The following ZNF622 variants were observed in gnomAD, a reference collection of about 807,000 sequenced individuals.
ZNF622 encodes zinc finger protein 622.
In ZNF622, 34 loss-of-function variants were observed where a neutral mutation model predicts 49.7. That is an observed-to-expected ratio of 0.68 (90% confidence interval 0.52 to 0.91). The LOEUF (loss-of-function observed/expected upper bound fraction) is 0.91, where lower values mean the gene tolerates loss of function less well. ZNF622 is among the 40% of genes least tolerant of loss of function. The pLI is 0.00. For synonymous variants in ZNF622, 209 were observed against 228.7 expected (o/e 0.91, Z 0.78); for missense variants, 569 against 616.4 (o/e 0.92, Z 0.81).
At chr5:16,461,321 T>G (rs78367662) in intron 3 of ZNF622, among the ~76,000 whole-genome samples, 2,110 of 152,364 alleles carry the variant, frequency 0.014, 54 homozygotes, top group African/African-American at 0.048. Context: ...TTGAGTAAGA[T>G]AGGTAGTCTT....
chr5:16,455,478 G>A (rs934433780), intron 4 of ZNF622, among the ~76,000 whole-genome samples: 1 of 152,170 alleles, frequency 6.6e-6, no homozygotes, highest in Non-Finnish European at 1.5e-5. Flanking sequence ...TCAAAGACAT[G>A]GTCTTTGGAT....
rs1450740034 is a variant in ZNF622, at chr5:16,453,040, T to C, written c.1279A>G (p.Arg427Gly). The change falls in exon 5 of 6, where the codon AGA (arginine) becomes GGA (glycine). Residue 427 changes from arginine (R) to glycine (G), a missense_variant. Arg to Gly is a moderately radical substitution (Grantham distance 125). Transcript: ENST00000308683. Reference sequence around the variant, plus strand: ...GTGCTGCCAGTCCATCCCAGGGCTCTGTACTGCTGAAGTACTCGGCCCACG... The same window carrying C: ...GTGCTGCCAGTCCATCCCAGGGCTCCGTACTGCTGAAGTACTCGGCCCACG... The part of the protein sequence containing the change: ...KAVGRVLQQY[R>G]ALGWTGSTGA... 2 of 1,557,416 alleles carry C rather than the reference T, an allele frequency of 1.3e-6. No homozygotes were observed. Among genetic ancestry groups the C allele is most frequent in the African/African-American group, 1.4e-5 (1 of 73,302 alleles).
chr5:16,453,073 G>A lies in ZNF622; in HGVS notation c.1246C>T (p.Arg416Trp), dbSNP rs1421421297. The A allele has an allele frequency of 5.7e-6, 9 of 1,587,262 alleles. No homozygotes were observed. The highest frequency in any genetic ancestry group is 2.7e-5 in the African/African-American group (2 of 74,214). The change falls in exon 5 of 6, where the codon CGG becomes TGG. Residue 416 changes from arginine (R) to tryptophan (W), a missense_variant. Transcript: ENST00000308683. ...TGAAGTACTCGGCCCACGGCCTTCC[G>A]ATTTTTGGCAACTGCCACAGCTCTT... ...LSRAVAVAKN[R>W]KAVGRVLQQY...
intron 4 of ZNF622, among the ~76,000 whole-genome samples, chr5:16,454,167 T>C (rs26376): frequency 0.3 from 45,498 of 151,884 alleles, 7,026 homozygotes; most frequent in East Asian, 0.46. Context: ...AAAAAGAAAA[T>C]AGACTCTGAA....
Position 16,464,906 on chromosome 5 carries a change from T to A in ZNF622, c.625+135A>T, listed in dbSNP as rs1187502983. 3.0e-6 allele frequency: 4 copies of A among 1,328,940 alleles called. No individual in the cohort carries two copies. In the African/African-American group the frequency reaches 5.9e-5, roughly 20 times the overall value. The allele number at this position is 1,328,940 out of a possible 1,614,324, so 82.3% of individuals were successfully genotyped here. A position where few individuals can be genotyped will look rare whatever the true frequency, so the allele number is the denominator to read the frequency against. ...GCCAGATAAGGCACTTCAGAAAGCGTCTAAACCACCTTCCCTCATCATTTT... is the reference window on the plus strand; with the variant it reads ...GCCAGATAAGGCACTTCAGAAAGCGACTAAACCACCTTCCCTCATCATTTT... On this transcript the variant is annotated intron_variant, in intron 1 of 5. Transcript: ENST00000308683.
chr5:16,462,909 T>G (rs1394596366), intron 3 of ZNF622, among the ~76,000 whole-genome samples, 199 bp downstream of exon 3: 1 of 152,186 alleles, frequency 6.6e-6, no homozygotes, highest in Non-Finnish European at 1.5e-5. Flanking sequence ...GGGTCTAAGG[T>G]CTTCTCTTCA....
chr5:16,457,514 T>C (rs570123173), intron 4 of ZNF622, among the ~76,000 whole-genome samples: 14 of 152,346 alleles, frequency 9.2e-5, no homozygotes, highest in African/African-American at 3.4e-4. Context: ...AACTGTCATC[T>C]TCAAAATAGG....
chr5:16,453,866 T>C (rs913556310), intron 4 of ZNF622, among the ~76,000 whole-genome samples: 1 of 151,932 alleles, frequency 6.6e-6, no homozygotes, highest in African/African-American at 2.4e-5. Context: ...CAGCCCCCCA[T>C]AACAAAGAAT....
intron 3 of ZNF622, among the ~76,000 whole-genome samples, chr5:16,462,777 A>G (rs1738141244): frequency 6.6e-6 from 1 of 152,038 alleles, no homozygotes; most frequent in African/African-American, 2.4e-5. Context: ...TGATGCAAGG[A>G]CTCTCCAGGA....
At chr5:16,461,350 G>A (rs1284051127) in intron 3 of ZNF622, among the ~76,000 whole-genome samples, 1 of 152,242 alleles carries the variant, frequency 6.6e-6, no homozygotes, top group African/African-American at 2.4e-5. Flanking sequence ...TCTGAGCAGA[G>A]TTTGACCTCA....
In ZNF622 at chr5:16,463,143, A is replaced by G. The variant is rs1017239794; in HGVS notation, c.1014T>C (p.Asp338=). 2 of 1,612,298 alleles carry G rather than the reference A, an allele frequency of 1.2e-6. No homozygotes were observed. Among genetic ancestry groups the G allele is most frequent in the African/African-American group, 1.3e-5 (1 of 74,916 alleles). The change falls in exon 3 of 6, where the codon GAT becomes GAC. Residue 338 remains aspartate (D), a synonymous_variant. Coordinates refer to ENST00000308683, the MANE Select transcript of ZNF622 (RefSeq NM_033414.3). This position sits in a 1 kb window ranked among gnomAD's most constrained non-coding sequence, Gnocchi z 4.2. Reference sequence around the variant, plus strand: ...AGAAGTCTGCAAATTCCAAAGCAGCATCGCCATCTGTGAAGAGCTTACAGT... The same window carrying G: ...AGAAGTCTGCAAATTCCAAAGCAGCGTCGCCATCTGTGAAGAGCTTACAGT... ...KSHCKLFTDG[D]AALEFADFYD... is the part of the protein sequence containing the mutation.
At position 16,463,154 on chromosome 5, in the gene ZNF622, T is replaced by G. The variant is rs1327626874; in HGVS notation, c.1003A>C (p.Thr335Pro). 6.2e-7 allele frequency: 1 copy of G among 1,613,590 alleles called. No individual in the cohort carries two copies. Among genetic ancestry groups the G allele is most frequent in the Non-Finnish European group, 8.5e-7 (1 of 1,179,948 alleles). ...MNDKSHCKLF[T>P]DGDAALEFAD... is the part of the protein sequence containing the mutation. Reference sequence around the variant, plus strand: ...AATTCCAAAGCAGCATCGCCATCTGTGAAGAGCTTACAGTGGCTTTTGTCA... The same window carrying G: ...AATTCCAAAGCAGCATCGCCATCTGGGAAGAGCTTACAGTGGCTTTTGTCA... The change falls in exon 3 of 6, where the codon ACA becomes CCA. Residue 335 changes from threonine (T) to proline (P), a missense_variant. Physicochemically the swap from Thr to Pro is conservative, Grantham distance 38. Transcript: ENST00000308683. The surrounding 1 kb of genome is among the most constrained non-coding windows in gnomAD (Gnocchi z 4.2).
intron 3 of ZNF622, among the ~76,000 whole-genome samples, chr5:16,459,519 A>T (rs1738089451): frequency 6.6e-6 from 1 of 152,232 alleles, no homozygotes; most frequent in South Asian, 2.1e-4. Flanking sequence ...GAACATATGT[A>T]TATCCTCTGG....
intron 3 of ZNF622, among the ~76,000 whole-genome samples, chr5:16,459,102 T>C (rs531092687): frequency 4.6e-5 from 7 of 152,350 alleles, no homozygotes; most frequent in African/African-American, 1.7e-4. Context: ...AAATTTTTAA[T>C]TAAACTTCCA....
chr5:16,459,717 T>C (rs978232589), intron 3 of ZNF622, among the ~76,000 whole-genome samples: 3 of 152,182 alleles, frequency 2.0e-5, no homozygotes, highest in Non-Finnish European at 4.4e-5. Context: ...TCCACAGCTA[T>C]ATAAAATAGT....
intron 4 of ZNF622, among the ~76,000 whole-genome samples, chr5:16,455,155 A>G (rs1738006344): frequency 6.6e-6 from 1 of 152,244 alleles, no homozygotes; most frequent in South Asian, 2.1e-4. Flanking sequence ...AATAAAGGAT[A>G]GTTGGCTAGG....
In ZNF622 at chr5:16,451,691, T is replaced by C; in HGVS notation, c.1400A>G (p.Lys467Arg). The C allele has an allele frequency of 2.5e-6, 4 of 1,614,172 alleles. No individual in the cohort carries two copies. The highest frequency in any genetic ancestry group is 3.4e-6 in the Non-Finnish European group (4 of 1,180,028). ...LKTGMKNNATKQMHFRVQVRF is the reference protein window; with the variant it reads ...LKTGMKNNATRQMHFRVQVRF ...CACTTGGACCCGAAAGTGCATCTGC[T>C]TGGTGGCATTGTTCTTCATTCCTGT... is the stretch of plus-strand genomic sequence containing the variant. The change falls in exon 6 of 6, where the codon AAG (lysine) becomes AGG (arginine). Residue 467 changes from lysine (K) to arginine (R), a missense_variant. Lys to Arg is a conservative substitution (Grantham distance 26, BLOSUM62 2). Transcript: ENST00000308683.
At position 16,463,746 on chromosome 5, in the gene ZNF622, C is replaced by T; in HGVS notation, c.626-4G>A. ...TCAGAATCAATATCTTCCCAATCTG[C>T]AAGCCAGAATTTTGAAATATAAAGT... On this transcript the variant is annotated splice_polypyrimidine_tract_variant and splice_region_variant and intron_variant, in intron 1 of 5. Coordinates refer to ENST00000308683, the MANE Select transcript of ZNF622 (RefSeq NM_033414.3). This position sits in a 1 kb window ranked among gnomAD's most constrained non-coding sequence, Gnocchi z 4.2. 6.2e-7 allele frequency: 1 copy of T among 1,607,558 alleles called. No homozygotes were observed. Among genetic ancestry groups the T allele is most frequent in the Non-Finnish European group, 8.5e-7 (1 of 1,176,824 alleles).
At position 16,465,069 on chromosome 5, in the gene ZNF622, C is replaced by T; in HGVS notation, c.597G>A (p.Glu199=). 1 of 1,602,148 alleles carries T rather than the reference C, an allele frequency of 6.2e-7. No individual in the cohort carries two copies. The highest frequency in any genetic ancestry group is 8.5e-7 in the Non-Finnish European group (1 of 1,173,172). ...KLAKQQEEDS[E]EEEEDLDGDD... is the part of the protein sequence containing the mutation. ...CTCCATCCAGGTCCTCTTCCTCCTCCTCGCTGTCCTCCTCCTGCTGCTTTG... is the reference window on the plus strand; with the variant it reads ...CTCCATCCAGGTCCTCTTCCTCCTCTTCGCTGTCCTCCTCCTGCTGCTTTG... The change falls in exon 1 of 6, where the codon GAG becomes GAA. Residue 199 remains glutamate, a synonymous_variant. Coordinates refer to ENST00000308683, the MANE Select transcript of ZNF622 (RefSeq NM_033414.3). The surrounding 1 kb of genome is among the most constrained non-coding windows in gnomAD (Gnocchi z 6.2).
Sources: gnomAD v4.1 joint callset for allele counts (sites outside exome capture counted in the v4.1 genomes callset) on GRCh38, gnomAD v4.1.1 for gene constraint, Gnocchi (gnomAD v3.1) non-coding constraint, MANE v1.5 for transcripts, NCBI Gene and HGNC (gene_info 2026-07-23, HGNC 2026-07-21) for gene names.